TMEM135: variants seen among roughly 807,000 people sequenced by gnomAD.
The protein encoded by TMEM135 is peroxisomal membrane protein 52.
A neutral mutation model predicts 60.3 loss-of-function variants in TMEM135; 30 were observed. The ratio of observed to expected loss-of-function variants is 0.50; its 90% CI spans 0.37 to 0.68. The LOEUF is 0.68. Among genes scored for constraint, TMEM135 ranks in the 30% least tolerant of loss-of-function variants. TMEM135 has a pLI of 0.00. For missense variants in TMEM135, 468 were observed against 548.8 expected, an observed-to-expected ratio of 0.85 and a Z score of 1.47; for synonymous variants, 190 against 186.7, an observed-to-expected ratio of 1.02 and a Z score of -0.14.
Position 87,328,051 on chromosome 11 carries a change from C to T in TMEM135, c.*6718C>T, listed in dbSNP as rs1942940486. On this transcript the variant is annotated 3_prime_UTR_variant, in exon 15 of 15. Coordinates refer to ENST00000305494, the MANE Select transcript of TMEM135 (RefSeq NM_022918.4). ...CCCAAAATAATGCCTTACCAGTTCT[C>T]TAGATATTCCTTAATCCAGTCAAGT... 2 of 453,964 alleles carry T rather than the reference C, an allele frequency of 4.4e-6. No homozygotes were observed. The highest frequency in any genetic ancestry group is 8.8e-6 in the Non-Finnish European group (2 of 226,796). 28.1% of individuals were successfully genotyped at this position (453,964 alleles called of 1,614,324 possible). A position where few individuals can be genotyped will look rare whatever the true frequency, so the allele number is the denominator to read the frequency against.
intron 3 of TMEM135, among the ~76,000 whole-genome samples, chr11:87,071,885 C>G (rs1856778704): frequency 6.6e-6 from 1 of 152,096 alleles, no homozygotes; most frequent in South Asian, 2.1e-4. Context: ...TGTGACCTAA[C>G]TAAAATATGG....
intron 4 of TMEM135, among the ~76,000 whole-genome samples, chr11:87,153,824 A>G (rs913973849): frequency 6.6e-6 from 1 of 152,168 alleles, no homozygotes; most frequent in African/African-American, 2.4e-5. Context: ...TTCTTTCTGT[A>G]TATTACAGTG....
intron 6 of TMEM135, among the ~76,000 whole-genome samples, chr11:87,290,899 AT>A (rs1389675053): frequency 6.6e-6 from 1 of 152,206 alleles, no homozygotes; most frequent in Non-Finnish European, 1.5e-5. Context: ...GTCTACATAT[AT>A]GAGTTAAATG....
chr11:87,221,562 A>G (rs1327809976), intron 5 of TMEM135, among the ~76,000 whole-genome samples: 1 of 152,224 alleles, frequency 6.6e-6, no homozygotes, highest in African/African-American at 2.4e-5. Context: ...TATATGGACT[A>G]GATTCATTCT....
intron 5 of TMEM135, among the ~76,000 whole-genome samples, chr11:87,222,775 A>G (rs1940668074): frequency 6.6e-6 from 1 of 152,136 alleles, no homozygotes; most frequent in Admixed American, 6.5e-5. Context: ...ATTGCACTCC[A>G]GCCTGGGCAA....
At chr11:87,091,102 T>G (rs117612533) in intron 3 of TMEM135, among the ~76,000 whole-genome samples, 3,087 of 152,096 alleles carry the variant, frequency 0.02, 35 homozygotes, top group Non-Finnish European at 0.028. Flanking sequence ...AATGGGGAAA[T>G]AGTAATTTTA....
chr11:87,237,565 T>TA (rs1941027237), intron 6 of TMEM135, among the ~76,000 whole-genome samples: 1 of 152,096 alleles, frequency 6.6e-6, no homozygotes, highest in East Asian at 1.9e-4. Context: ...CCAGAATTTT[T>TA]AAAAAAATTT....
At chr11:87,181,159 T>C (rs1180772652) in intron 5 of TMEM135, among the ~76,000 whole-genome samples, 2 of 152,024 alleles carry the variant, frequency 1.3e-5, no homozygotes, top group East Asian at 3.9e-4. Context: ...GTAGCAATAA[T>C]CCAAATATAT....
intron 1 of TMEM135, among the ~76,000 whole-genome samples, chr11:87,053,299 A>G (rs1023438899): frequency 8.6e-5 from 13 of 151,932 alleles, no homozygotes; most frequent in Admixed American, 5.9e-4. Flanking sequence ...AGCAATATAT[A>G]TATATATATG....
intron 5 of TMEM135, among the ~76,000 whole-genome samples, chr11:87,159,811 G>C (rs1273327629): frequency 3.3e-5 from 5 of 152,084 alleles, no homozygotes; most frequent in African/African-American, 4.8e-5. Flanking sequence ...CTTGGATTGT[G>C]CTAAATTTAA....
chr11:87,046,579 C>T (rs992975291), intron 1 of TMEM135, among the ~76,000 whole-genome samples: 1 of 151,988 alleles, frequency 6.6e-6, no homozygotes. Context: ...TTTTAATTAC[C>T]AGTGCGGTAT....
At chr11:87,055,078 G>C (rs1367184893) in intron 1 of TMEM135, among the ~76,000 whole-genome samples, 1 of 152,136 alleles carries the variant, frequency 6.6e-6, no homozygotes, top group Non-Finnish European at 1.5e-5. Context: ...AATTATCTGT[G>C]GTAAGTGCTA....
intron 5 of TMEM135, among the ~76,000 whole-genome samples, chr11:87,172,394 T>C (rs1011129572): frequency 1.3e-5 from 2 of 151,902 alleles, no homozygotes; most frequent in East Asian, 1.9e-4. Flanking sequence ...TTAAGGTTTG[T>C]TGCTGTTTTA....
chr11:87,117,519 A>G (rs1857920391), intron 4 of TMEM135, among the ~76,000 whole-genome samples: 1 of 152,228 alleles, frequency 6.6e-6, no homozygotes, highest in African/African-American at 2.4e-5. Flanking sequence ...CAGCATAATC[A>G]CCAGGAGTAA....
intron 7 of TMEM135, among the ~76,000 whole-genome samples, chr11:87,300,336 C>A (rs1488792213): frequency 6.6e-6 from 1 of 152,170 alleles, no homozygotes; most frequent in South Asian, 2.1e-4. Context: ...AAGAACACAA[C>A]CACGGGAGAA....
intron 5 of TMEM135, among the ~76,000 whole-genome samples, chr11:87,231,121 GCGTCA>G (rs1416693336): frequency 6.6e-6 from 1 of 152,116 alleles, no homozygotes; most frequent in Non-Finnish European, 1.5e-5. Context: ...GATCAAAGAG[GCGTCA>G]CTCAGACAAA....
chr11:87,321,330 C>T lies in TMEM135; in HGVS notation c.1374C>T (p.Ser458=). Reference sequence around the variant, plus strand: ...CACCAGAGTTGCCCACAGAGTTTTCCTGAAGATGACTGTAACTTATTAATG... The same window carrying T: ...CACCAGAGTTGCCCACAGAGTTTTCTTGAAGATGACTGTAACTTATTAATG... ...TVTPELPTEF[S] The change falls in exon 15 of 15, where the codon TCC becomes TCT. Residue 458 remains serine (S), a synonymous_variant. Coordinates refer to ENST00000305494, the MANE Select transcript of TMEM135 (RefSeq NM_022918.4). The T allele has an allele frequency of 6.2e-7, 1 of 1,613,474 alleles. No homozygotes were observed. Among genetic ancestry groups the T allele is most frequent in the Non-Finnish European group, 8.5e-7 (1 of 1,179,598 alleles).
chr11:87,084,736 T>C (rs1857060894), intron 3 of TMEM135, among the ~76,000 whole-genome samples: 1 of 152,210 alleles, frequency 6.6e-6, no homozygotes. Context: ...AAAGCTTATG[T>C]GGTATAAAGG....
chr11:87,243,420 T>C (rs983922680), intron 6 of TMEM135, among the ~76,000 whole-genome samples: 3 of 127,438 alleles, frequency 2.4e-5, no homozygotes, highest in Non-Finnish European at 5.1e-5. Flanking sequence ...GGGGATGGCA[T>C]TGAATCTATA....
Sources: allele counts gnomAD v4.1 joint callset (sites outside exome capture counted in the v4.1 genomes callset), GRCh38; gene constraint gnomAD v4.1.1; transcripts MANE v1.5; gene names NCBI Gene and HGNC (gene_info 2026-07-23, HGNC 2026-07-21).